The following NEDD4 variants were observed in gnomAD, a reference collection of about 807,000 sequenced individuals.
NEDD4 encodes E3 ubiquitin-protein ligase NEDD4.
In NEDD4, 99 loss-of-function variants were observed where a neutral mutation model predicts 144.9. That is an observed-to-expected ratio of 0.68 (90% confidence interval 0.58 to 0.81). The LOEUF (loss-of-function observed/expected upper bound fraction) is 0.81. Ranked by LOEUF, NEDD4 falls within the 30% of genes least tolerant of loss-of-function variation. NEDD4 has a pLI of 0.00. For synonymous variants in NEDD4, 318 were observed against 350.6 expected, an observed-to-expected ratio of 0.91 and a Z score of 1.04; for missense variants, 985 against 1,065.9, an observed-to-expected ratio of 0.92 and a Z score of 1.06.
chr15:55,881,203 G>C (rs2035182494), intron 5 of NEDD4, among the ~76,000 whole-genome samples: 1 of 149,482 alleles, frequency 6.7e-6, no homozygotes. Flanking sequence ...GTGCAATGGC[G>C]TGATCTCGGC....
intron 24 of NEDD4, among the ~76,000 whole-genome samples, chr15:55,834,554 G>A (rs2033108135): frequency 6.6e-6 from 1 of 152,130 alleles, no homozygotes; most frequent in African/African-American, 2.4e-5. Flanking sequence ...CACTTTGGGA[G>A]GCTGGGTGGG....
chr15:55,883,023 G>A (rs1434681913), intron 5 of NEDD4, among the ~76,000 whole-genome samples: 5 of 152,190 alleles, frequency 3.3e-5, no homozygotes, highest in South Asian at 2.1e-4. Flanking sequence ...AGAGTAAAGA[G>A]GACTTTGTAT....
At chr15:55,938,227 C>T (rs746916447) in intron 4 of NEDD4, among the ~76,000 whole-genome samples, 1 of 152,046 alleles carries the variant, frequency 6.6e-6, no homozygotes, top group Non-Finnish European at 1.5e-5. Context: ...GGCATGGTGG[C>T]GTGTGCCTGT....
chr15:55,981,522 A>G (rs1271692556), intron 1 of NEDD4, among the ~76,000 whole-genome samples: 1 of 152,220 alleles, frequency 6.6e-6, no homozygotes, highest in Non-Finnish European at 1.5e-5. Context: ...GATCACCCAT[A>G]ACTGAGAAAT....
chr15:55,837,447 A>G (rs1333165277), intron 24 of NEDD4, among the ~76,000 whole-genome samples: 2 of 151,516 alleles, frequency 1.3e-5, no homozygotes, highest in Non-Finnish European at 2.9e-5. Flanking sequence ...AAAAAAAAAA[A>G]AGAAGAAAGT....
intron 5 of NEDD4, among the ~76,000 whole-genome samples, chr15:55,887,819 T>C (rs1228733931): frequency 6.6e-6 from 1 of 152,178 alleles, no homozygotes; most frequent in Non-Finnish European, 1.5e-5. Context: ...GATGCAAGGA[T>C]GGTTCAAGAT....
At chr15:55,950,263 G>C (rs144918087) in intron 4 of NEDD4, among the ~76,000 whole-genome samples, 5 of 152,254 alleles carry the variant, frequency 3.3e-5, no homozygotes, top group African/African-American at 1.2e-4. Flanking sequence ...ATACTACATA[G>C]AGTGGGGAAA....
intron 5 of NEDD4, among the ~76,000 whole-genome samples, chr15:55,899,846 A>C (rs2035856865): frequency 6.6e-6 from 1 of 152,218 alleles, no homozygotes; most frequent in Non-Finnish European, 1.5e-5. Context: ...TGAGGTTCTG[A>C]ATTTTAAATC....
chr15:55,992,365 C>T (rs1287344032), intron 1 of NEDD4, among the ~76,000 whole-genome samples: 1 of 152,138 alleles, frequency 6.6e-6, no homozygotes, highest in Admixed American at 6.5e-5. Flanking sequence ...TAACAAATTG[C>T]CCACCCTTTA....
intron 5 of NEDD4, chr15:55,915,904 C>CA: frequency 6.2e-7 from 1 of 1,613,994 alleles, no homozygotes; most frequent in Non-Finnish European, 8.5e-7. Context: ...GTGCCATCCT[C>CA]ATTATGTGCA....
chr15:55,832,967 G>A (rs753244222), intron 27 of NEDD4, 41 bp downstream of exon 27: 16 of 1,307,838 alleles, frequency 1.2e-5, no homozygotes, highest in African/African-American at 4.4e-5. Context: ...AAGACAATAC[G>A]CATTATTCCA....
Position 55,993,575 on chromosome 15 carries a change from AC to A in NEDD4, c.-21del. 6.3e-7 allele frequency: 1 copy of A among 1,590,328 alleles called. No homozygotes were observed. The highest frequency in any genetic ancestry group is 8.5e-7 in the Non-Finnish European group (1 of 1,171,136). On this transcript the variant is annotated 5_prime_UTR_variant, in exon 1 of 29. Coordinates refer to ENST00000435532, the MANE Select transcript of NEDD4 (RefSeq NM_006154.4). ...TGCCATTTCCGAACGCTTCCAGCAAACCGGACGCGCTCGCCCCCGCCCAGGG... is the reference window on the plus strand; with the variant it reads ...TGCCATTTCCGAACGCTTCCAGCAAACGGACGCGCTCGCCCCCGCCCAGGG...
intron 26 of NEDD4, 98 bp from the exon 27 acceptor site, chr15:55,833,202 T>C (rs1472514413): frequency 1.4e-6 from 1 of 737,586 alleles, no homozygotes; most frequent in East Asian, 2.5e-5. Flanking sequence ...ATATTAATAA[T>C]CCCTTACTAG....
chr15:55,993,601 G>T lies in NEDD4; in HGVS notation c.-46C>A. On this transcript the variant is annotated 5_prime_UTR_variant, in exon 1 of 29. Transcript: ENST00000435532. ...CCGGACGCGCTCGCCCCCGCCCAGG[G>T]CAGGCAACTGTGGAGGAGGAGGAGG... 3.2e-6 allele frequency: 5 copies of T among 1,582,736 alleles called. No individual in the cohort carries two copies. Among genetic ancestry groups the T allele is most frequent in the Non-Finnish European group, 4.3e-6 (5 of 1,167,962 alleles).
intron 27 of NEDD4, 34 bp from the exon 28 acceptor site, chr15:55,830,620 C>G: frequency 6.3e-7 from 1 of 1,585,228 alleles, no homozygotes; most frequent in Non-Finnish European, 8.7e-7. Flanking sequence ...TTCATTTACT[C>G]TCTACAAGGA....
Position 55,979,369 on chromosome 15 carries a change from C to T in NEDD4, c.46-12823G>A, listed in dbSNP as rs1177177147. 4.3e-5 allele frequency among the ~76,000 whole-genome samples: 4 copies of T among 93,236 alleles called. No individual in the cohort carries two copies. In the Admixed American group the frequency reaches 5.3e-4, roughly 12 times the overall value. The allele number at this position is 93,236 out of a possible 152,430, so 61.2% of individuals were successfully genotyped here. ...TTTTTTTTTTTTTTTTTTTTTGAGACGGAGTCTCGCTCTGTCGCCCAGGCC... is the reference window on the plus strand; with the variant it reads ...TTTTTTTTTTTTTTTTTTTTTGAGATGGAGTCTCGCTCTGTCGCCCAGGCC... On this transcript the variant is annotated intron_variant, in intron 1 of 28. Coordinates refer to ENST00000435532, the MANE Select transcript of NEDD4 (RefSeq NM_006154.4).
intron 5 of NEDD4, among the ~76,000 whole-genome samples, chr15:55,919,576 AG>A (rs1461844503): frequency 6.6e-6 from 1 of 152,204 alleles, no homozygotes; most frequent in Admixed American, 6.5e-5. Flanking sequence ...TATAAAATGT[AG>A]TCTCTCAGTC....
intron 11 of NEDD4, among the ~76,000 whole-genome samples, chr15:55,858,458 C>T (rs2034280471): frequency 6.6e-6 from 1 of 152,128 alleles, no homozygotes; most frequent in African/African-American, 2.4e-5. Flanking sequence ...CAGGTGTGCA[C>T]CACCACACCG....
At chr15:55,931,013 A>G (rs2036770178) in intron 4 of NEDD4, among the ~76,000 whole-genome samples, 1 of 152,222 alleles carries the variant, frequency 6.6e-6, no homozygotes, top group Non-Finnish European at 1.5e-5. Flanking sequence ...CATACAAGGC[A>G]TATAACTGTG....
Sources: allele counts gnomAD v4.1 joint callset (sites outside exome capture counted in the v4.1 genomes callset), GRCh38; gene constraint gnomAD v4.1.1; transcripts MANE v1.5; gene names NCBI Gene and HGNC (gene_info 2026-07-23, HGNC 2026-07-21).